The following FBN2 variants were observed in gnomAD, a reference collection of about 807,000 sequenced individuals.
FBN2 encodes fibrillin 2.
Under a neutral mutation model 355.6 loss-of-function variants are expected in FBN2, and 105 were observed. The observed-to-expected ratio is 0.30, with a 90% CI of 0.25 to 0.35. The LOEUF (loss-of-function observed/expected upper bound fraction) is 0.35. Ranked by LOEUF, FBN2 falls within the 10% of genes least tolerant of loss-of-function variation. The pLI is 1.00. For synonymous variants in FBN2, 1,350 were observed against 1,301.2 expected, an observed-to-expected ratio of 1.04 and a Z score of -0.81; for missense variants, 3,280 against 3,758.7, an observed-to-expected ratio of 0.87 and a Z score of 3.33.
In FBN2 at chr5:128,374,716, C is replaced by T; in HGVS notation, c.2007G>A (p.Met669Ile). The change falls in exon 15 of 65, where the codon ATG (methionine) becomes ATA (isoleucine). Residue 669 changes from methionine (M) to isoleucine (I), a missense_variant. Physicochemically the swap from Met to Ile is conservative, Grantham distance 10. Transcript: ENST00000262464. The part of the protein sequence containing the change: ...VDECQTPGIC[M>I]NGHCINSEGS... ...CTTCACTGTTGATGCAGTGCCCATT[C>T]ATGCAGATTCCTGGGGTCTGGCATT... 1 of 1,613,930 alleles carries T rather than the reference C, an allele frequency of 6.2e-7. No homozygotes were observed. The highest frequency in any genetic ancestry group is 8.5e-7 in the Non-Finnish European group (1 of 1,179,890).
At position 128,495,278 on chromosome 5, in the gene FBN2, A is replaced by T. The variant is rs550445114; in HGVS notation, c.628+23995T>A. Among the ~76,000 whole-genome samples the T allele has an allele frequency of 9.2e-5, 14 of 152,330 alleles. No individual in the cohort carries two copies. In the East Asian group the frequency reaches 2.7e-3, roughly 29 times the overall value. Reference sequence around the variant, plus strand: ...AAAGCAGAGGAAAAAAATAAAAAAGAATGAAGAAATGTGAACAAAGCTTCA... The same window carrying T: ...AAAGCAGAGGAAAAAAATAAAAAAGTATGAAGAAATGTGAACAAAGCTTCA... On this transcript the variant is annotated intron_variant, in intron 5 of 64. Coordinates refer to ENST00000262464, the MANE Select transcript of FBN2 (RefSeq NM_001999.4).
intron 20 of FBN2, among the ~76,000 whole-genome samples, chr5:128,354,674 A>G (rs1225853153): frequency 2.0e-5 from 3 of 152,200 alleles, no homozygotes; most frequent in African/African-American, 4.8e-5. Context: ...AGGTTTGCTG[A>G]TGACTTTCAT....
At chr5:128,472,772 C>T (rs1054192966) in intron 5 of FBN2, among the ~76,000 whole-genome samples, 1 of 144,288 alleles carries the variant, frequency 6.9e-6, no homozygotes, top group Admixed American at 6.9e-5. Context: ...GCCTGGGCAA[C>T]AAGAGCAAAA....
chr5:128,456,746 C>T (rs1363071875), intron 6 of FBN2, among the ~76,000 whole-genome samples: 1 of 152,040 alleles, frequency 6.6e-6, no homozygotes, highest in Admixed American at 6.6e-5. Flanking sequence ...CAGAAAGTGA[C>T]AACAACAGCA....
chr5:128,437,192 GTATGTTGAA>G (rs531630913), intron 7 of FBN2, among the ~76,000 whole-genome samples: 241 of 152,284 alleles, frequency 1.6e-3, no homozygotes, highest in African/African-American at 5.5e-3. Flanking sequence ...GTACCTGAAA[GTATGTTGAA>G]TACTATTCAC....
At chr5:128,480,002 A>C (rs866708587) in intron 5 of FBN2, among the ~76,000 whole-genome samples, 814 of 80,888 alleles carry the variant, frequency 0.01, 3 homozygotes, top group Non-Finnish European at 0.015. Flanking sequence ...ATATATATAT[A>C]TATATATATA....
chr5:128,442,918 T>C (rs917737513), intron 7 of FBN2, among the ~76,000 whole-genome samples: 8 of 152,268 alleles, frequency 5.3e-5, no homozygotes, highest in African/African-American at 1.9e-4. Flanking sequence ...GCCTCCATGA[T>C]AGATAGTGAC....
chr5:128,263,295 C>T (rs1030818756), intron 63 of FBN2, 130 bp downstream of exon 63: 8 of 745,048 alleles, frequency 1.1e-5, no homozygotes, highest in Middle Eastern at 3.1e-4. Context: ...TCTGCATACC[C>T]GAAGAGTTCT....
intron 8 of FBN2, among the ~76,000 whole-genome samples, chr5:128,397,686 T>G (rs1451392025): frequency 3.3e-5 from 5 of 152,128 alleles, no homozygotes; most frequent in Non-Finnish European, 7.4e-5. Context: ...TAAAAACACA[T>G]CATCCAGCTC....
rs760548036 is a variant in FBN2 at position 128,290,740 on chromosome 5, T to C, written c.6437A>G (p.Asp2146Gly). The change falls in exon 50 of 65, where the codon GAC becomes GGC. Residue 2146 changes from aspartate to glycine, a missense_variant. Asp to Gly is a moderately conservative substitution (Grantham distance 94). Transcript: ENST00000262464. ...WGDPCELCPK[D>G]DEVAFQDLCP... Reference sequence around the variant, plus strand: ...GATGTCATTGCTCTTACCTTCATCGTCTTTGGGGCACAGCTCACAGGGGTC... The same window carrying C: ...GATGTCATTGCTCTTACCTTCATCGCCTTTGGGGCACAGCTCACAGGGGTC... 3.8e-5 allele frequency: 61 copies of C among 1,614,046 alleles called. No individual in the cohort carries two copies. The South Asian group carries it at 6.5e-4, about 17-fold the overall frequency.
intron 53 of FBN2, among the ~76,000 whole-genome samples, chr5:128,288,160 G>C (rs1240121667): frequency 6.6e-6 from 1 of 152,094 alleles, no homozygotes; most frequent in Non-Finnish European, 1.5e-5. Flanking sequence ...GAAAAGGCAG[G>C]AAACTGTGAC....
At position 128,377,767 on chromosome 5, in the gene FBN2, C is replaced by T; in HGVS notation, c.1834G>A (p.Gly612Arg). 1 of 1,613,356 alleles carries T rather than the reference C, an allele frequency of 6.2e-7. No individual in the cohort carries two copies. Among genetic ancestry groups the T allele is most frequent in the Non-Finnish European group, 8.5e-7 (1 of 1,179,570 alleles). The change falls in exon 13 of 65, where the codon GGA becomes AGA. Residue 612 changes from glycine (G) to arginine (R), a missense_variant. By Grantham distance (125) the Gly-to-Arg change is moderately radical. Transcript: ENST00000262464. ...CNAGFELTTD[G>R]KNCVDHDECT... ...ATTTCCATACCAACACAGTTTTTTC[C>T]ATCTGTAGTTAATTCAAAGCCGGCA...
chr5:128,293,152 G>C (rs1046801247), intron 48 of FBN2, among the ~76,000 whole-genome samples: 2 of 152,154 alleles, frequency 1.3e-5, no homozygotes, highest in African/African-American at 4.8e-5. Context: ...GTGTGGTCAT[G>C]TTAGAATGTC....
intron 23 of FBN2, 59 bp downstream of exon 23, chr5:128,349,288 T>C (rs1561783586): frequency 1.2e-6 from 2 of 1,609,672 alleles, no homozygotes; most frequent in Non-Finnish European, 1.7e-6. Context: ...AGCCACTGCT[T>C]AAACAAGGAA....
chr5:128,473,970 C>T (rs925692505), intron 5 of FBN2, among the ~76,000 whole-genome samples: 1 of 152,180 alleles, frequency 6.6e-6, no homozygotes, highest in Non-Finnish European at 1.5e-5. Flanking sequence ...CCTTTCTCTG[C>T]AGTCTTTCAA....
chr5:128,289,135 C>T lies in FBN2; in HGVS notation c.6629G>A (p.Arg2210His), dbSNP rs745396297. ...MGYNLDYTGV[R>H]CVDTDECSIG... ...GTGGAGCCAACACTCACCCACACAGCGTACTCCAGTGTAGTCAAGGTTGTA... is the reference window on the plus strand; with the variant it reads ...GTGGAGCCAACACTCACCCACACAGTGTACTCCAGTGTAGTCAAGGTTGTA... The change falls in exon 52 of 65, where the codon CGC becomes CAC. Residue 2210 changes from arginine to histidine, a missense_variant. Physicochemically the swap from Arg to His is conservative, Grantham distance 29. Transcript: ENST00000262464. The T allele has an allele frequency of 1.1e-5, 18 of 1,613,740 alleles. No homozygotes were observed. The highest frequency in any genetic ancestry group is 1.6e-4 in the Middle Eastern group (1 of 6,084).
rs1753503787 is a variant in FBN2, at chr5:128,427,133, G to C, written c.953-18334C>G. Among the ~76,000 whole-genome samples, 4 of 151,940 alleles carry C rather than the reference G, an allele frequency of 2.6e-5. No individual in the cohort carries two copies. In the South Asian group the frequency reaches 6.2e-4, roughly 24 times the overall value. On this transcript the variant is annotated intron_variant, in intron 7 of 64. Coordinates refer to ENST00000262464, the MANE Select transcript of FBN2 (RefSeq NM_001999.4). ...TCTCAAATTAACCCTCTAAAACTAAGCTCCTGAGATGGAGGTGGGATCCCT... is the reference window on the plus strand; with the variant it reads ...TCTCAAATTAACCCTCTAAAACTAACCTCCTGAGATGGAGGTGGGATCCCT...
rs35346129 is a variant in FBN2, at chr5:128,305,875, G to A, written c.5496C>T (p.Arg1832=). 8,575 of 1,613,902 alleles carry A rather than the reference G, an allele frequency of 5.3e-3. 30 individuals carry two copies. The highest frequency in any genetic ancestry group is 6.5e-3 in the Non-Finnish European group (7,654 of 1,179,820). Reference sequence around the variant, plus strand: ...AACTGAATCCTGTAGGGCATTCACAGCGGAAACTGCCAATCTGGTTAATGC... The same window carrying A: ...AACTGAATCCTGTAGGGCATTCACAACGGAAACTGCCAATCTGGTTAATGC... The part of the protein sequence containing the change: ...GVCINQIGSF[R]CECPTGFSYN... Residue 1832 remains arginine (R), a synonymous_variant, in exon 43 of 65, where the codon CGC becomes CGT. Coordinates refer to ENST00000262464, the MANE Select transcript of FBN2 (RefSeq NM_001999.4).
chr5:128,342,055 T>G (rs1032686219), intron 25 of FBN2, among the ~76,000 whole-genome samples: 2 of 151,772 alleles, frequency 1.3e-5, no homozygotes, highest in African/African-American at 4.8e-5. Context: ...ACTTTCCAGA[T>G]GGGAAGTTAT....
Sources: gnomAD v4.1 joint callset for allele counts (sites outside exome capture counted in the v4.1 genomes callset) on GRCh38, gnomAD v4.1.1 for gene constraint, MANE v1.5 for transcripts, NCBI Gene and HGNC (gene_info 2026-07-23, HGNC 2026-07-21) for gene names.